KSR1: variants seen among roughly 807,000 people sequenced by gnomAD.
The protein encoded by KSR1 is kinase suppressor of ras 1.
Under a neutral mutation model 92.9 loss-of-function variants are expected in KSR1, and 35 were observed. That is an observed-to-expected ratio of 0.38 (90% CI 0.29 to 0.50). The LOEUF is 0.50. Among genes scored for constraint, KSR1 ranks in the 20% least tolerant of loss-of-function variants. The probability of loss-of-function intolerance (pLI) is 0.94; values close to 1 mark genes in which losing one functional copy is unlikely to be tolerated. For missense variants in KSR1, 972 were observed against 1,158.5 expected (o/e 0.84, Z 2.34); for synonymous variants, 467 against 472.6 (o/e 0.99, Z 0.15).
At chr17:27,586,418 G>A (rs577662663) in intron 5 of KSR1, among the ~76,000 whole-genome samples, 2 of 152,230 alleles carry the variant, frequency 1.3e-5, no homozygotes, top group South Asian at 2.1e-4. Flanking sequence ...GGAGAGTCAC[G>A]TAGCTGTGGG....
rs1455357960 is a variant in KSR1 at position 27,623,418 on chromosome 17, ATC to A, written c.*30_*31del. On this transcript the variant is annotated 3_prime_UTR_variant, in exon 21 of 21. Transcript: ENST00000644974. Reference sequence around the variant, plus strand: ...CCAGCCATATGGTTTTTCGCTGCTGATCTCTTTCTTTTTAAAATGTGTTTCTG... The same window carrying A: ...CCAGCCATATGGTTTTTCGCTGCTGATCTTTCTTTTTAAAATGTGTTTCTG... 5 of 757,556 alleles carry A rather than the reference ATC, an allele frequency of 6.6e-6. No homozygotes were observed. Among genetic ancestry groups the A allele is most frequent in the Middle Eastern group, 2.2e-4 (1 of 4,446 alleles). 46.9% of individuals were successfully genotyped at this position (757,556 alleles called of 1,614,324 possible).
intron 2 of KSR1, among the ~76,000 whole-genome samples, chr17:27,566,128 A>G (rs1036325028): frequency 6.6e-5 from 10 of 152,080 alleles, no homozygotes; most frequent in African/African-American, 2.4e-4. Flanking sequence ...GAGGGAGATG[A>G]CCGTGTTCTT....
Position 27,623,469 on chromosome 17 carries a change from C to CA in KSR1, c.*84dup, listed in dbSNP as rs781433452. ...TGAAACATCCCAACAACCACCACGA[C>CA]AAAAAAACACTGCCTGCCCAGCGCT... On this transcript the variant is annotated 3_prime_UTR_variant, in exon 21 of 21. Coordinates refer to ENST00000644974, the MANE Select transcript of KSR1 (RefSeq NM_001394583.1). 9.9e-6 allele frequency: 7 copies of CA among 705,742 alleles called. No homozygotes were observed. The highest frequency in any genetic ancestry group is 3.0e-5 in the South Asian group (2 of 67,348). 43.7% of individuals were successfully genotyped at this position (705,742 alleles called of 1,614,324 possible).
At chr17:27,566,330 T>G (rs2072067174) in intron 2 of KSR1, 4 of 395,694 alleles carry the variant, frequency 1.0e-5, no homozygotes, top group Non-Finnish European at 1.8e-5. Flanking sequence ...GCACAAACTA[T>G]TTTTGGCTGC....
intron 1 of KSR1, among the ~76,000 whole-genome samples, chr17:27,475,588 GC>G (rs2068317061): frequency 6.6e-6 from 1 of 152,188 alleles, no homozygotes; most frequent in Admixed American, 6.5e-5. Context: ...GCTGGCACCT[GC>G]CCGGTATTAC....
intron 1 of KSR1, among the ~76,000 whole-genome samples, chr17:27,536,196 C>T (rs767761115): frequency 3.3e-4 from 50 of 152,132 alleles, no homozygotes; most frequent in Non-Finnish European, 5.3e-4. Flanking sequence ...AATCTCCAGC[C>T]GAAGGGCCCC....
At chr17:27,529,061 T>C (rs769823632) in intron 1 of KSR1, among the ~76,000 whole-genome samples, 3 of 152,184 alleles carry the variant, frequency 2.0e-5, no homozygotes, top group Non-Finnish European at 2.9e-5. Flanking sequence ...TACAAAAAAG[T>C]AAATAATAAA....
intron 1 of KSR1, among the ~76,000 whole-genome samples, chr17:27,490,685 T>C (rs1485431190): frequency 6.6e-6 from 1 of 152,190 alleles, no homozygotes. Context: ...ACTGCCTTTT[T>C]GGACGGTAAT....
intron 9 of KSR1, among the ~76,000 whole-genome samples, chr17:27,595,449 T>C (rs2073307694): frequency 6.6e-6 from 1 of 152,244 alleles, no homozygotes; most frequent in African/African-American, 2.4e-5. Flanking sequence ...GTTGATGTTT[T>C]ATTTTTGTGG....
chr17:27,534,657 C>T (rs1460491061), intron 1 of KSR1, among the ~76,000 whole-genome samples: 1 of 152,226 alleles, frequency 6.6e-6, no homozygotes, highest in Non-Finnish European at 1.5e-5. Context: ...CATCCTGTTG[C>T]CTGAGCCCTT....
intron 1 of KSR1, among the ~76,000 whole-genome samples, chr17:27,458,437 C>T (rs921892400): frequency 1.3e-5 from 2 of 152,168 alleles, no homozygotes; most frequent in East Asian, 1.9e-4. Context: ...ATTGTCCCCA[C>T]GTTGCTCTGA....
intron 1 of KSR1, among the ~76,000 whole-genome samples, chr17:27,482,896 A>G (rs1326236379): frequency 3.9e-5 from 5 of 128,142 alleles, no homozygotes; most frequent in Non-Finnish European, 8.1e-5. Context: ...TTCTTTCCCA[A>G]TTTTTCAATA....
intron 14 of KSR1, among the ~76,000 whole-genome samples, chr17:27,606,824 A>G (rs1033237775): frequency 6.6e-6 from 1 of 152,112 alleles, no homozygotes; most frequent in African/African-American, 2.4e-5. Flanking sequence ...ATGAAAAACA[A>G]AACAGGTAAT....
chr17:27,513,172 G>A (rs920637118), intron 1 of KSR1, among the ~76,000 whole-genome samples: 3 of 152,028 alleles, frequency 2.0e-5, no homozygotes, highest in Admixed American at 6.5e-5. Context: ...GTGCATTTTC[G>A]TTGCATGTAG....
chr17:27,518,704 C>T (rs752449786), intron 1 of KSR1, among the ~76,000 whole-genome samples: 1 of 152,152 alleles, frequency 6.6e-6, no homozygotes, highest in Non-Finnish European at 1.5e-5. Flanking sequence ...TGGCAGGAGT[C>T]GGGAAAGCTT....
In KSR1 at chr17:27,624,217, C is replaced by T. The variant is rs1407061668; in HGVS notation, c.*825C>T. 6.6e-6 allele frequency: 1 copy of T among 152,296 alleles called. No homozygotes were observed. The highest frequency in any genetic ancestry group is 1.5e-5 in the Non-Finnish European group (1 of 68,114). The allele number at this position is 152,296 out of a possible 1,614,324, so 9.4% of individuals were successfully genotyped here. ...CAGGGCCTTGGCTTTTAGATACATC[C>T]CAGTCCCTGACTGACATCTGACCAT... On this transcript the variant is annotated 3_prime_UTR_variant, in exon 21 of 21. Transcript: ENST00000644974.
At chr17:27,528,444 A>C (rs983437443) in intron 1 of KSR1, among the ~76,000 whole-genome samples, 7 of 152,116 alleles carry the variant, frequency 4.6e-5, no homozygotes, top group Middle Eastern at 6.9e-3. Context: ...TAATTTGTTA[A>C]AGGTCACACC....
intron 1 of KSR1, among the ~76,000 whole-genome samples, chr17:27,504,987 A>T (rs927885567): frequency 2.0e-5 from 3 of 152,170 alleles, no homozygotes; most frequent in African/African-American, 7.2e-5. Flanking sequence ...TAAGGTAAGC[A>T]TGTGGGAGGG....
At chr17:27,505,445 G>C (rs2069345351) in intron 1 of KSR1, among the ~76,000 whole-genome samples, 3 of 152,310 alleles carry the variant, frequency 2.0e-5, no homozygotes, top group Admixed American at 2.0e-4. Context: ...ACCTGAGCTG[G>C]GTGATTTGCT....
Sources: allele counts gnomAD v4.1 joint callset (sites outside exome capture counted in the v4.1 genomes callset), GRCh38; gene constraint gnomAD v4.1.1; transcripts MANE v1.5; gene names NCBI Gene and HGNC (gene_info 2026-07-23, HGNC 2026-07-21).